CELF4: variants seen among roughly 807,000 people sequenced by gnomAD.
The protein encoded by CELF4 is CUG-BP- and ETR-3-like factor 4.
Under a neutral mutation model 59.9 loss-of-function variants are expected in CELF4, and 18 were observed. That is an observed-to-expected ratio of 0.30 (90% CI 0.21 to 0.45). CELF4 has a LOEUF of 0.45. CELF4 is among the 20% of genes least tolerant of loss of function. CELF4 has a pLI of 1.00. For missense variants in CELF4, 456 were observed against 689.0 expected (o/e 0.66, Z 3.79); for synonymous variants, 261 against 267.1 (o/e 0.98, Z 0.22).
chr18:37,406,064 T>C (rs1452082011), intron 2 of CELF4, among the ~76,000 whole-genome samples: 1 of 152,222 alleles, frequency 6.6e-6, no homozygotes. Flanking sequence ...TCACAGAAGA[T>C]AGAAGACGCA....
chr18:37,284,524 G>A (rs2094542318), intron 3 of CELF4, among the ~76,000 whole-genome samples: 1 of 152,088 alleles, frequency 6.6e-6, no homozygotes, highest in Non-Finnish European at 1.5e-5. Flanking sequence ...GGCTGCTCCT[G>A]TGGCCCAACA....
intron 10 of CELF4, 109 bp from the exon 11 acceptor site, chr18:37,259,373 G>GCC: frequency 3.9e-6 from 1 of 257,510 alleles, no homozygotes; most frequent in East Asian, 1.1e-4. Flanking sequence ...AGGGGTGGGG[G>GCC]CAAGGTTAGG....
At position 37,558,104 on chromosome 18, in the gene CELF4, C is replaced by T. The variant is rs559120827; in HGVS notation, c.286+7252G>A. ...GCAACCTCCACCACCCAGGCTCAAG[C>T]GATACTCCTGCCTCAGCCTCCTGAG... On this transcript the variant is annotated intron_variant, in intron 1 of 12. Transcript: ENST00000420428. Among the ~76,000 whole-genome samples, 87 of 144,054 alleles carry T rather than the reference C, an allele frequency of 6.0e-4. 3 individuals are homozygous for T. In the South Asian group the frequency reaches 0.015, roughly 24 times the overall value. 94.5% of individuals were successfully genotyped at this position (144,054 alleles called of 152,430 possible).
intron 2 of CELF4, among the ~76,000 whole-genome samples, chr18:37,426,928 T>G (rs2099616914): frequency 6.6e-6 from 1 of 150,694 alleles, no homozygotes; most frequent in Non-Finnish European, 1.5e-5. Flanking sequence ...TTGCAGAGAC[T>G]TTAATCCCAA....
At chr18:37,407,832 G>A (rs1462198854) in intron 2 of CELF4, among the ~76,000 whole-genome samples, 1 of 152,008 alleles carries the variant, frequency 6.6e-6, no homozygotes, top group Non-Finnish European at 1.5e-5. Flanking sequence ...GGTCCTATTC[G>A]GATAAGCAGG....
intron 2 of CELF4, among the ~76,000 whole-genome samples, chr18:37,425,192 G>A (rs17569491): frequency 0.049 from 7,406 of 152,332 alleles, 246 homozygotes; most frequent in Admixed American, 0.082. Context: ...GCAACCTGAA[G>A]GTGCTCGGCC....
chr18:37,250,340 T>C (rs1370133774), intron 12 of CELF4, among the ~76,000 whole-genome samples: 9 of 151,974 alleles, frequency 5.9e-5, no homozygotes, highest in Non-Finnish European at 8.8e-5. Flanking sequence ...CCAACCCTAA[T>C]CCCACCCCAC....
At chr18:37,518,053 G>C (rs568686675) in intron 1 of CELF4, among the ~76,000 whole-genome samples, 1 of 152,270 alleles carries the variant, frequency 6.6e-6, no homozygotes, top group South Asian at 2.1e-4. Flanking sequence ...GCTGGTGGGT[G>C]GCACTGGGCC....
chr18:37,403,897 A>T (rs1353936449), intron 2 of CELF4, among the ~76,000 whole-genome samples: 1 of 152,028 alleles, frequency 6.6e-6, no homozygotes, highest in Non-Finnish European at 1.5e-5. Context: ...CCTAATTCTC[A>T]TTCCTATTCT....
chr18:37,322,947 G>C (rs1220611315), intron 2 of CELF4, among the ~76,000 whole-genome samples: 1 of 152,212 alleles, frequency 6.6e-6, no homozygotes, highest in Non-Finnish European at 1.5e-5. Context: ...GCAGGACATG[G>C]CTGGGAAGTG....
chr18:37,552,061 G>A (rs992848764), intron 1 of CELF4, among the ~76,000 whole-genome samples: 4 of 152,218 alleles, frequency 2.6e-5, no homozygotes, highest in Non-Finnish European at 4.4e-5. Flanking sequence ...GGCTTATGCC[G>A]TCTTTCTCTA....
chr18:37,335,514 G>GT (rs1569565865), intron 2 of CELF4, among the ~76,000 whole-genome samples: 12 of 149,212 alleles, frequency 8.0e-5, no homozygotes, highest in African/African-American at 3.0e-4. Context: ...TGTGTGTGTG[G>GT]AGGTGTGGGG....
At chr18:37,557,535 C>A (rs1431124815) in intron 1 of CELF4, among the ~76,000 whole-genome samples, 1 of 152,208 alleles carries the variant, frequency 6.6e-6, no homozygotes, top group African/African-American at 2.4e-5. Flanking sequence ...TACATCGGGG[C>A]TTTGTTCAAA....
chr18:37,354,497 A>G (rs1255326276), intron 2 of CELF4, among the ~76,000 whole-genome samples: 1 of 152,348 alleles, frequency 6.6e-6, no homozygotes, highest in Admixed American at 6.5e-5. Flanking sequence ...CCACAGACCC[A>G]TGCTCGGCTG....
chr18:37,539,244 C>A (rs1013154409), intron 1 of CELF4, among the ~76,000 whole-genome samples: 2 of 152,198 alleles, frequency 1.3e-5, no homozygotes, highest in African/African-American at 2.4e-5. Context: ...TAATAACCCT[C>A]AACAATGGCT....
intron 3 of CELF4, among the ~76,000 whole-genome samples, chr18:37,288,046 C>T (rs1569532776): frequency 6.6e-6 from 1 of 152,194 alleles, no homozygotes; most frequent in Non-Finnish European, 1.5e-5. Flanking sequence ...ACAAGGAATG[C>T]TCTTCTGTTC....
chr18:37,493,432 C>G (rs1380758996), intron 1 of CELF4, among the ~76,000 whole-genome samples: 3 of 152,226 alleles, frequency 2.0e-5, no homozygotes, highest in African/African-American at 7.2e-5. Context: ...TAGCTCACCC[C>G]AGGGCCCCCT....
rs781411336 is a variant in CELF4, at chr18:37,249,035, G to A, written c.*45-3838C>T. 1.3e-5 allele frequency among the ~76,000 whole-genome samples: 2 copies of A among 152,228 alleles called. 1 individual carries two copies. Among genetic ancestry groups the A allele is most frequent in the South Asian group, 4.1e-4 (2 of 4,822 alleles). ...GGGCAAAGAAGCTGAGCCCAAGCCC[G>A]GCCTCCAGCTCAACCTTCACAGAAG... On this transcript the variant is annotated intron_variant, in intron 12 of 12. Coordinates refer to ENST00000420428, the MANE Select transcript of CELF4 (RefSeq NM_020180.4).
intron 3 of CELF4, among the ~76,000 whole-genome samples, chr18:37,304,328 G>A (rs557298099): frequency 6.6e-6 from 1 of 152,292 alleles, no homozygotes; most frequent in Admixed American, 6.5e-5. Context: ...CTGGCTATGG[G>A]TGAGACACTG....
Sources: allele counts gnomAD v4.1 joint callset (sites outside exome capture counted in the v4.1 genomes callset), GRCh38; gene constraint gnomAD v4.1.1; transcripts MANE v1.5; gene names NCBI Gene and HGNC (gene_info 2026-07-23, HGNC 2026-07-21).